The following POR variants were observed in gnomAD, a reference collection of about 807,000 sequenced individuals.
The protein encoded by POR is cytochrome p450 oxidoreductase, also known as NADPH--cytochrome P450 reductase.
POR carries 56 observed loss-of-function variants against 84.0 expected under a neutral mutation model. The observed-to-expected ratio is 0.67, with a 90% CI of 0.54 to 0.83. The LOEUF is 0.83. Among genes scored for constraint, POR ranks in the 40% least tolerant of loss-of-function variants. The pLI, the probability that POR is intolerant of heterozygous loss-of-function variation, is 0.00. For synonymous variants in POR, 414 were observed against 400.5 expected (o/e 1.03, Z -0.40); for missense variants, 938 against 944.3 (o/e 0.99, Z 0.09).
chr7:75,945,897 C>T (rs1337140930), intron 1 of POR, among the ~76,000 whole-genome samples: 1 of 152,212 alleles, frequency 6.6e-6, no homozygotes, highest in East Asian at 1.9e-4. Flanking sequence ...CAAATACTTC[C>T]TGGAAGATAA....
chr7:75,968,790 T>C (rs1788303885), intron 2 of POR, among the ~76,000 whole-genome samples: 1 of 152,218 alleles, frequency 6.6e-6, no homozygotes. Flanking sequence ...TTGTCCACTC[T>C]GACGTTCCAG....
At chr7:75,969,150 A>G (rs920697212) in intron 2 of POR, among the ~76,000 whole-genome samples, 3 of 152,200 alleles carry the variant, frequency 2.0e-5, no homozygotes, top group Non-Finnish European at 4.4e-5. Context: ...GTCTTAGCAC[A>G]TGCCACCTTG....
At chr7:75,933,965 A>G (rs1348771932) in intron 1 of POR, among the ~76,000 whole-genome samples, 1 of 149,420 alleles carries the variant, frequency 6.7e-6, no homozygotes, top group Non-Finnish European at 1.5e-5. Flanking sequence ...CAAGGCAAGG[A>G]CAGTTTTTTT....
chr7:75,972,773 C>T (rs1788498444), intron 3 of POR: 1 of 448,128 alleles, frequency 2.2e-6, no homozygotes, highest in Non-Finnish European at 4.1e-6. Flanking sequence ...AGGTAAATCT[C>T]ACAGAGCTGC....
chr7:75,969,353 GAT>G lies in POR; in HGVS notation c.189-3059_189-3058del, dbSNP rs149629090. Reference sequence around the variant, plus strand: ...CGTGCCTGTCTAGTGTCAGAGCCAGGATTTAAAGCCAGGTCCGCCCTGCCACG... The same window carrying G: ...CGTGCCTGTCTAGTGTCAGAGCCAGGTTAAAGCCAGGTCCGCCCTGCCACG... On this transcript the variant is annotated intron_variant, in intron 2 of 15. Transcript: ENST00000461988. Among the ~76,000 whole-genome samples the G allele has an allele frequency of 8.5e-3, 1,294 of 152,288 alleles. 18 individuals are homozygous for G. Among genetic ancestry groups the G allele is most frequent in the African/African-American group, 0.03 (1,240 of 41,558 alleles).
chr7:75,982,383 TCA>T (rs1789108504), intron 8 of POR, 61 bp downstream of exon 8: 1 of 1,373,748 alleles, frequency 7.3e-7, no homozygotes, highest in Non-Finnish European at 1.0e-6. Flanking sequence ...CACCCCAGGC[TCA>T]GTCTGCCGTG....
rs1806983887 is a variant in POR at position 75,923,774 on chromosome 7, G to GCTA, written c.-5+8598_-5+8600dup. On this transcript the variant is annotated intron_variant, in intron 1 of 15. Coordinates refer to ENST00000461988, the MANE Select transcript of POR (RefSeq NM_000941.3). ...GTGGTGGCACACGCCTGTAATCCCA[G>GCTA]CTACTGGGGAGGCTGAGGCAGGAGA... 2.0e-5 allele frequency among the ~76,000 whole-genome samples: 3 copies of GCTA among 152,114 alleles called. No individual in the cohort carries two copies. The South Asian group carries it at 6.2e-4, about 32-fold the overall frequency.
intron 2 of POR, among the ~76,000 whole-genome samples, chr7:75,955,050 C>T (rs908657914): frequency 2.6e-5 from 4 of 152,060 alleles, no homozygotes; most frequent in Admixed American, 2.0e-4. Context: ...TGCCATGTCC[C>T]GGGCTGGTCT....
intron 1 of POR, among the ~76,000 whole-genome samples, chr7:75,937,990 T>C (rs543893540): frequency 8.5e-5 from 13 of 152,272 alleles, no homozygotes; most frequent in Admixed American, 6.5e-4. Flanking sequence ...GCAGAGATGC[T>C]GCTAGAAGCA....
chr7:75,923,021 T>C (rs2116216599), intron 1 of POR: 1 of 675,464 alleles, frequency 1.5e-6, no homozygotes, highest in Non-Finnish European at 2.7e-6. Flanking sequence ...TTGGCCTTTG[T>C]TGTACGCGTC....
chr7:75,938,753 C>T (rs74933323), intron 1 of POR, among the ~76,000 whole-genome samples: 15 of 152,252 alleles, frequency 9.9e-5, no homozygotes, highest in African/African-American at 2.6e-4. Context: ...CAGCCTGTTC[C>T]GTGAATGAAT....
At chr7:75,967,451 A>G (rs566984483) in intron 2 of POR, among the ~76,000 whole-genome samples, 1 of 152,232 alleles carries the variant, frequency 6.6e-6, no homozygotes, top group East Asian at 1.9e-4. Flanking sequence ...ACATGGACCC[A>G]GTGTCTTAAG....
intron 2 of POR, among the ~76,000 whole-genome samples, chr7:75,961,397 C>A (rs1021423344): frequency 6.6e-6 from 1 of 152,192 alleles, no homozygotes; most frequent in African/African-American, 2.4e-5. Context: ...TCACTCTGAC[C>A]CTCCAGCCCG....
intron 3 of POR, among the ~76,000 whole-genome samples, chr7:75,975,354 C>T (rs1480386860): frequency 6.6e-6 from 1 of 152,106 alleles, no homozygotes; most frequent in Non-Finnish European, 1.5e-5. Flanking sequence ...ATACTTAATT[C>T]CTGGGCTGGG....
chr7:75,983,877 G>A lies in POR; in HGVS notation c.1066+21G>A, dbSNP rs562843415. 490 of 1,563,696 alleles carry A rather than the reference G, an allele frequency of 3.1e-4. 3 individuals are homozygous for A. The South Asian group carries it at 4.5e-3, about 15-fold the overall frequency. ...GGATGGTGAGTGCCACAGTCAGGGC[G>A]CCCTGCCGGGCTCAGGCAGCCGCGG... On this transcript the variant is annotated intron_variant, in intron 10 of 15. Coordinates refer to ENST00000461988, the MANE Select transcript of POR (RefSeq NM_000941.3).
rs144807777 is a variant in POR at position 75,973,974 on chromosome 7, G to A, written c.237+1513G>A. 1.4e-3 allele frequency among the ~76,000 whole-genome samples: 220 copies of A among 151,762 alleles called. 8 individuals carry two copies. The South Asian group carries it at 0.039, about 27-fold the overall frequency. On this transcript the variant is annotated intron_variant, in intron 3 of 15. Transcript: ENST00000461988. ...ATTACAGGCGTGAGCCACTGCGCCC[G>A]GCTGACCTTGCTTTAAAAAAAAAAG...
intron 2 of POR, among the ~76,000 whole-genome samples, chr7:75,972,002 A>G (rs961474828): frequency 1.3e-5 from 2 of 151,918 alleles, no homozygotes; most frequent in African/African-American, 4.8e-5. Flanking sequence ...TGGAGAAGGA[A>G]GAGGTGAAGA....
intron 2 of POR, among the ~76,000 whole-genome samples, chr7:75,964,338 G>A (rs1240071801): frequency 5.3e-5 from 8 of 150,418 alleles, no homozygotes; most frequent in Non-Finnish European, 8.8e-5. Context: ...ACTAAGTCTC[G>A]CTCCTGTCCC....
intron 6 of POR, among the ~76,000 whole-genome samples, 154 bp downstream of exon 6, chr7:75,981,326 G>A (rs782428752): frequency 7.2e-5 from 11 of 152,208 alleles, no homozygotes; most frequent in Non-Finnish European, 1.2e-4. Flanking sequence ...CCCTGCCCCT[G>A]CCAGTTTTGC....
Sources: gnomAD v4.1 joint callset for allele counts (sites outside exome capture counted in the v4.1 genomes callset) on GRCh38, gnomAD v4.1.1 for gene constraint, MANE v1.5 for transcripts, NCBI Gene and HGNC (gene_info 2026-07-23, HGNC 2026-07-21) for gene names.